Variants in GPC6 observed in about 807,000 individuals in gnomAD.
GPC6 encodes glypican-6.
In GPC6, 14 loss-of-function variants were observed where a neutral mutation model predicts 55.2. That is an observed-to-expected ratio of 0.25 (90% CI 0.17 to 0.40). GPC6 has a LOEUF of 0.40. GPC6 is among the 10% of genes least tolerant of loss of function. The probability of loss-of-function intolerance (pLI) is 1.00; values close to 1 mark genes in which losing one functional copy is unlikely to be tolerated. For missense variants in GPC6, 641 were observed against 708.5 expected (o/e 0.90, Z 1.08); for synonymous variants, 278 against 259.6 (o/e 1.07, Z -0.68).
At chr13:93,352,920 G>T (rs1880682909) in intron 1 of GPC6, among the ~76,000 whole-genome samples, 1 of 152,112 alleles carries the variant, frequency 6.6e-6, no homozygotes, top group Admixed American at 6.6e-5. Context: ...GGAGTCTCTA[G>T]CTCCTTGTGT....
intron 4 of GPC6, among the ~76,000 whole-genome samples, chr13:94,247,003 T>C (rs982784670): frequency 8.5e-5 from 13 of 152,110 alleles, no homozygotes; most frequent in Admixed American, 6.6e-5. Flanking sequence ...GAATATCTTT[T>C]CATTTATTTG....
intron 1 of GPC6, among the ~76,000 whole-genome samples, chr13:93,488,010 T>A (rs186265885): frequency 6.6e-4 from 101 of 152,344 alleles, no homozygotes; most frequent in African/African-American, 2.3e-3. Flanking sequence ...AGGGTACATG[T>A]GCACAACGTG....
At chr13:93,445,602 C>T (rs1048173348) in intron 1 of GPC6, among the ~76,000 whole-genome samples, 1 of 152,174 alleles carries the variant, frequency 6.6e-6, no homozygotes, top group African/African-American at 2.4e-5. Flanking sequence ...TTATTGCTTT[C>T]ACCATGTTCC....
intron 3 of GPC6, among the ~76,000 whole-genome samples, chr13:93,845,408 T>G (rs1419703091): frequency 6.4e-5 from 9 of 139,882 alleles, no homozygotes; most frequent in South Asian, 2.5e-4. Flanking sequence ...GTTCAACCAT[T>G]GTGGAAGTCA....
chr13:93,792,134 T>C (rs1357808919), intron 2 of GPC6, among the ~76,000 whole-genome samples: 1 of 152,240 alleles, frequency 6.6e-6, no homozygotes, highest in Non-Finnish European at 1.5e-5. Context: ...GCTTCCTCTT[T>C]CTAGCAGTGA....
chr13:94,266,231 C>G (rs969593585), intron 4 of GPC6, among the ~76,000 whole-genome samples: 5 of 151,392 alleles, frequency 3.3e-5, no homozygotes, highest in South Asian at 2.1e-4. Flanking sequence ...TGCAGTGGCA[C>G]GATCTTGGCT....
In GPC6 at chr13:94,027,821, C is replaced by G; in HGVS notation, c.804C>G (p.Asn268Lys). Residue 268 changes from asparagine to lysine, a missense_variant, in exon 4 of 9, where the codon AAC (asparagine) becomes AAG (lysine). Transcript: ENST00000377047. ...TTCCCACTGTGAGGCCCTGCAACAACTACTGTCTCAACGTCATGAAGGGCT... is the reference window on the plus strand; with the variant it reads ...TTCCCACTGTGAGGCCCTGCAACAAGTACTGTCTCAACGTCATGAAGGGCT... The part of the protein sequence containing the change: ...RGLPTVRPCN[N>K]YCLNVMKGCL... 5 of 1,614,048 alleles carry G rather than the reference C, an allele frequency of 3.1e-6. No homozygotes were observed. Among genetic ancestry groups the G allele is most frequent in the Non-Finnish European group, 4.2e-6 (5 of 1,179,920 alleles).
In GPC6 at chr13:93,583,550, T is replaced by C. The variant is rs528548976; in HGVS notation, c.319+38129T>C. Among the ~76,000 whole-genome samples the C allele has an allele frequency of 4.6e-5, 7 of 152,114 alleles. No individual in the cohort carries two copies. In the South Asian group the frequency reaches 1.2e-3, roughly 27 times the overall value. On this transcript the variant is annotated intron_variant, in intron 2 of 8. Transcript: ENST00000377047. The stretch of plus-strand genomic sequence containing the variant: ...TCTCCTGACTCAGCCTCCTGAGTAG[T>C]TGGGTACAGGCGCCTGCCACCACAC...
At chr13:94,219,631 C>G (rs1890323792) in intron 4 of GPC6, among the ~76,000 whole-genome samples, 1 of 152,114 alleles carries the variant, frequency 6.6e-6, no homozygotes, top group Admixed American at 6.6e-5. Context: ...TGCACAGAAG[C>G]CAATACTATG....
chr13:94,373,021 A>T (rs1322075706), intron 6 of GPC6, among the ~76,000 whole-genome samples: 3 of 152,228 alleles, frequency 2.0e-5, no homozygotes, highest in African/African-American at 7.2e-5. Flanking sequence ...TTAGAAGGAA[A>T]ACTAAAAAAC....
intron 1 of GPC6, among the ~76,000 whole-genome samples, chr13:93,231,005 A>T (rs1210435237): frequency 6.6e-6 from 1 of 152,062 alleles, no homozygotes; most frequent in African/African-American, 2.4e-5. Context: ...AATCTCTTAT[A>T]TAGAATTTAC....
intron 1 of GPC6, among the ~76,000 whole-genome samples, chr13:93,427,424 C>T (rs1023228475): frequency 6.6e-6 from 1 of 151,456 alleles, no homozygotes; most frequent in Admixed American, 6.6e-5. Context: ...TGGAACAGAA[C>T]AGAGCCCTCA....
chr13:93,654,581 G>C (rs1464293159), intron 2 of GPC6, among the ~76,000 whole-genome samples: 9 of 152,124 alleles, frequency 5.9e-5, no homozygotes, highest in Non-Finnish European at 8.8e-5. Flanking sequence ...ACCCGCCTCA[G>C]CCTCTCAAAG....
chr13:93,528,442 C>T (rs764002916), intron 1 of GPC6, among the ~76,000 whole-genome samples: 3 of 152,038 alleles, frequency 2.0e-5, no homozygotes, highest in Non-Finnish European at 4.4e-5. Flanking sequence ...CATCTCTGGT[C>T]AGCTGAGTTG....
chr13:94,387,417 T>C (rs1166606239), intron 7 of GPC6, among the ~76,000 whole-genome samples: 1 of 152,232 alleles, frequency 6.6e-6, no homozygotes, highest in Non-Finnish European at 1.5e-5. Flanking sequence ...AGGGAATGTC[T>C]TCCCTGCTTC....
chr13:93,632,700 G>A (rs1399625957), intron 2 of GPC6, among the ~76,000 whole-genome samples: 1 of 150,790 alleles, frequency 6.6e-6, no homozygotes, highest in Non-Finnish European at 1.5e-5. Flanking sequence ...GCACATATAT[G>A]TAAATTATGT....
At chr13:93,490,000 C>A (rs1440608782) in intron 1 of GPC6, among the ~76,000 whole-genome samples, 1 of 150,814 alleles carries the variant, frequency 6.6e-6, no homozygotes, top group African/African-American at 2.4e-5. Context: ...ACTTCCAACA[C>A]TATGTTGAAT....
At chr13:93,504,159 C>T (rs1880620574) in intron 1 of GPC6, among the ~76,000 whole-genome samples, 1 of 152,034 alleles carries the variant, frequency 6.6e-6, no homozygotes, top group African/African-American at 2.4e-5. Context: ...AAAAACATAA[C>T]ACCTTTGATT....
intron 3 of GPC6, among the ~76,000 whole-genome samples, chr13:94,005,519 A>G (rs1178039327): frequency 6.6e-6 from 1 of 152,194 alleles, no homozygotes; most frequent in Non-Finnish European, 1.5e-5. Flanking sequence ...AAGTTTGGAA[A>G]TTTGCATGTA....
Sources: allele counts gnomAD v4.1 joint callset (sites outside exome capture counted in the v4.1 genomes callset), GRCh38; gene constraint gnomAD v4.1.1; transcripts MANE v1.5; gene names NCBI Gene and HGNC (gene_info 2026-07-23, HGNC 2026-07-21).